APLP2: variants seen among roughly 807,000 people sequenced by gnomAD.
APLP2 encodes the protein CDEI box-binding protein.
Under a neutral mutation model 89.9 loss-of-function variants are expected in APLP2, and 53 were observed. That is an observed-to-expected ratio of 0.59 (90% CI 0.47 to 0.74). The LOEUF (loss-of-function observed/expected upper bound fraction) is 0.74. Among genes scored for constraint, APLP2 ranks in the 30% least tolerant of loss-of-function variants. The pLI, the probability that APLP2 is intolerant of heterozygous loss-of-function variation, is 0.00. For synonymous variants in APLP2, 372 were observed against 348.6 expected, an observed-to-expected ratio of 1.07 and a Z score of -0.75; for missense variants, 973 against 975.9, an observed-to-expected ratio of 1.00 and a Z score of 0.04.
chr11:130,143,468 C>G lies in APLP2; in HGVS notation c.*20C>G. The G allele has an allele frequency of 6.2e-7, 1 of 1,602,762 alleles. No homozygotes were observed. The highest frequency in any genetic ancestry group is 8.5e-7 in the Non-Finnish European group (1 of 1,170,288). On this transcript the variant is annotated 3_prime_UTR_variant, in exon 17 of 17. Transcript: ENST00000338167. ...ATTTAGGTGGCAGGGAGCGCGGCAG[C>G]CCTGGCGGAGGGATGCAGGTGGGCC...
chr11:130,138,245 G>A (rs1038659040), intron 13 of APLP2, among the ~76,000 whole-genome samples: 6 of 152,212 alleles, frequency 3.9e-5, no homozygotes, highest in African/African-American at 1.4e-4. Flanking sequence ...TAAGAAGGTG[G>A]TGTTCTGGTT....
At chr11:130,089,365 G>A (rs566279238) in intron 1 of APLP2, among the ~76,000 whole-genome samples, 6 of 152,244 alleles carry the variant, frequency 3.9e-5, no homozygotes, top group Non-Finnish European at 7.4e-5. Flanking sequence ...TTTCCTTGGA[G>A]AAGAGTTCTG....
At chr11:130,113,655 T>A (rs181970310) in intron 3 of APLP2, among the ~76,000 whole-genome samples, 1 of 152,302 alleles carries the variant, frequency 6.6e-6, no homozygotes, top group African/African-American at 2.4e-5. Context: ...CCTTCCGCTG[T>A]CACCTCCACT....
intron 7 of APLP2, among the ~76,000 whole-genome samples, chr11:130,124,661 G>A (rs928671954): frequency 5.3e-5 from 8 of 152,106 alleles, no homozygotes; most frequent in African/African-American, 1.4e-4. Context: ...AGCTTCTGAC[G>A]GTTTTTCATT....
intron 1 of APLP2, among the ~76,000 whole-genome samples, chr11:130,093,704 A>G (rs1945767808): frequency 6.6e-6 from 1 of 152,222 alleles, no homozygotes; most frequent in Admixed American, 6.5e-5. Context: ...TTGAAAGTTC[A>G]GAATACCAGA....
In APLP2 at chr11:130,141,965, C is replaced by T; in HGVS notation, c.2045C>T (p.Ala682Val). The T allele has an allele frequency of 6.2e-7, 1 of 1,614,050 alleles. No individual in the cohort carries two copies. Among genetic ancestry groups the T allele is most frequent in the Non-Finnish European group, 8.5e-7 (1 of 1,179,966 alleles). Residue 682 changes from alanine (A) to valine (V), a missense_variant, in exon 16 of 17, where the codon GCT (alanine) becomes GTT (valine). Transcript: ENST00000338167. This position sits in a 1 kb window ranked among gnomAD's most constrained non-coding sequence, Gnocchi z 4.2. ...LREDFSLSSS[A>V]LIGLLVIAVA... is the part of the protein sequence containing the mutation. Reference sequence around the variant, plus strand: ...GAGGACTTCAGTCTGAGTAGCAGTGCTCTCATTGGCCTGCTGGTCATCGCA... The same window carrying T: ...GAGGACTTCAGTCTGAGTAGCAGTGTTCTCATTGGCCTGCTGGTCATCGCA...
At position 130,121,733 on chromosome 11, in the gene APLP2, G is replaced by C. The variant is rs1168397074; in HGVS notation, c.636G>C (p.Val212=). ...CTCAGACAAAGATTATTGGATCTGT[G>C]TCAAAAGAAGAGGAAGAGGAAGATG... ...CCPQTKIIGS[V]SKEEEEEDEE... Residue 212 remains valine, a synonymous_variant, in exon 5 of 17, where the codon GTG becomes GTC. Transcript: ENST00000338167. 6.2e-7 allele frequency: 1 copy of C among 1,613,694 alleles called. No homozygotes were observed. The highest frequency in any genetic ancestry group is 1.3e-5 in the African/African-American group (1 of 74,658).
intron 12 of APLP2, among the ~76,000 whole-genome samples, chr11:130,134,178 G>A (rs1051001211): frequency 6.6e-6 from 1 of 152,198 alleles, no homozygotes; most frequent in Non-Finnish European, 1.5e-5. Flanking sequence ...CGAGCAGATG[G>A]TACCTGCTGG....
In APLP2 at chr11:130,074,503, C is replaced by T. The variant is rs185065616; in HGVS notation, c.105+4421C>T. On this transcript the variant is annotated intron_variant, in intron 1 of 16. Coordinates refer to ENST00000338167, the MANE Select transcript of APLP2 (RefSeq NM_001142276.2). ...TGCTGGGATTACAGGCGTGAGCCTC[C>T]ACACCTGGCCCCTTTCAAGATTGTT... Among the ~76,000 whole-genome samples, 485 of 152,338 alleles carry T rather than the reference C, an allele frequency of 3.2e-3. 2 individuals carry two copies. Among genetic ancestry groups the T allele is most frequent in the Admixed American group, 6.7e-3 (102 of 15,304 alleles).
chr11:130,094,966 CT>C (rs1165257582), intron 1 of APLP2, among the ~76,000 whole-genome samples: 5 of 152,212 alleles, frequency 3.3e-5, no homozygotes, highest in African/African-American at 1.2e-4. Flanking sequence ...TTTTACTGAT[CT>C]TTTCTGACAA....
intron 7 of APLP2, among the ~76,000 whole-genome samples, chr11:130,126,432 C>T (rs557695862): frequency 7.2e-5 from 11 of 152,108 alleles, no homozygotes; most frequent in Non-Finnish European, 1.5e-4. Context: ...CTTTTTCAGC[C>T]CTGAGGTCTT....
chr11:130,096,556 A>G (rs1946235762), intron 1 of APLP2, among the ~76,000 whole-genome samples: 1 of 152,134 alleles, frequency 6.6e-6, no homozygotes, highest in Admixed American at 6.5e-5. Flanking sequence ...CATCTCTGCA[A>G]AACATTTAAA....
intron 1 of APLP2, among the ~76,000 whole-genome samples, chr11:130,098,277 T>C (rs1253654862): frequency 6.6e-6 from 1 of 151,926 alleles, no homozygotes; most frequent in African/African-American, 2.4e-5. Context: ...TGGTGGCACG[T>C]GCCTGTAATC....
At chr11:130,070,462 G>A (rs1471201660) in intron 1 of APLP2, 1 of 956,982 alleles carries the variant, frequency 1.0e-6, no homozygotes, top group Non-Finnish European at 1.3e-6. Flanking sequence ...CGGAGTCCGC[G>A]GCTGGGCTTT....
chr11:130,081,293 CTAAA>C (rs1943112640), intron 1 of APLP2, among the ~76,000 whole-genome samples: 1 of 152,146 alleles, frequency 6.6e-6, no homozygotes, highest in South Asian at 2.1e-4. Flanking sequence ...ATTCATCCCT[CTAAA>C]TAGGTATTCA....
intron 1 of APLP2, among the ~76,000 whole-genome samples, chr11:130,081,842 G>A (rs147010576): frequency 9.5e-4 from 144 of 152,206 alleles, no homozygotes; most frequent in African/African-American, 3.3e-3. Flanking sequence ...ACAGCATACT[G>A]TGGATATCTT....
At chr11:130,082,319 G>A (rs987763297) in intron 1 of APLP2, among the ~76,000 whole-genome samples, 1 of 152,114 alleles carries the variant, frequency 6.6e-6, no homozygotes, top group African/African-American at 2.4e-5. Flanking sequence ...GAGCAGCTGG[G>A]ATTACAGGTG....
At chr11:130,104,390 T>C (rs1412578801) in intron 1 of APLP2, among the ~76,000 whole-genome samples, 1 of 150,938 alleles carries the variant, frequency 6.6e-6, no homozygotes, top group African/African-American at 2.5e-5. Flanking sequence ...GGCTAATTTT[T>C]GTATTTTTAG....
intron 1 of APLP2, among the ~76,000 whole-genome samples, chr11:130,084,856 G>GA (rs1268077233): frequency 2.0e-5 from 3 of 151,814 alleles, no homozygotes; most frequent in Non-Finnish European, 2.9e-5. Flanking sequence ...AAAAACAATA[G>GA]AAAAAAATCA....
Sources: gnomAD v4.1 joint callset for allele counts (sites outside exome capture counted in the v4.1 genomes callset) on GRCh38, gnomAD v4.1.1 for gene constraint, Gnocchi (gnomAD v3.1) non-coding constraint, MANE v1.5 for transcripts, NCBI Gene and HGNC (gene_info 2026-07-23, HGNC 2026-07-21) for gene names.